NT5E: variants seen among roughly 807,000 people sequenced by gnomAD.
The protein encoded by NT5E is 5'-nucleotidase ecto.
In NT5E, 53 loss-of-function variants were observed where a neutral mutation model predicts 55.1. The ratio of observed to expected loss-of-function variants is 0.96; its 90% confidence interval spans 0.77 to 1.21. The LOEUF is 1.21. NT5E is among the 50% of genes most tolerant of loss of function. The probability of loss-of-function intolerance (pLI) is 0.00; values close to 1 mark genes in which losing one functional copy is unlikely to be tolerated. For synonymous variants in NT5E, 270 were observed against 278.4 expected, an observed-to-expected ratio of 0.97 and a Z score of 0.30; for missense variants, 683 against 724.3, an observed-to-expected ratio of 0.94 and a Z score of 0.65.
In NT5E at chr6:85,487,460, A is replaced by G; in HGVS notation, c.1075A>G (p.Asn359Asp). The G allele has an allele frequency of 6.2e-7, 1 of 1,614,238 alleles. No individual in the cohort carries two copies. ...TCAATCATGCCGCTTTAGAGAATGCAACATGGGCAACCTGATTTGTGATGC... is the reference window on the plus strand; with the variant it reads ...TCAATCATGCCGCTTTAGAGAATGCGACATGGGCAACCTGATTTGTGATGC... ...SSQSCRFRECNMGNLICDAMI... is the reference protein window; with the variant it reads ...SSQSCRFRECDMGNLICDAMI... The change falls in exon 5 of 9, where the codon AAC becomes GAC. Residue 359 changes from asparagine to aspartate, a missense_variant. By Grantham distance (23) the Asn-to-Asp change is conservative. Coordinates refer to ENST00000257770, the MANE Select transcript of NT5E (RefSeq NM_002526.4).
At chr6:85,452,536 T>C (rs1322924084) in intron 1 of NT5E, among the ~76,000 whole-genome samples, 3 of 152,158 alleles carry the variant, frequency 2.0e-5, no homozygotes, top group Non-Finnish European at 4.4e-5. Context: ...TGAATTGGGT[T>C]CTGAGGAAAA....
rs1369395401 is a variant in NT5E at position 85,485,784 on chromosome 6, GC to G, written c.949+358del. Among the ~76,000 whole-genome samples, 6 of 152,296 alleles carry G rather than the reference GC, an allele frequency of 3.9e-5. No individual in the cohort carries two copies. In the East Asian group the frequency reaches 1.2e-3, roughly 29 times the overall value. On this transcript the variant is annotated intron_variant, in intron 4 of 8. Coordinates refer to ENST00000257770, the MANE Select transcript of NT5E (RefSeq NM_002526.4). ...TGGGCAGAGCGGGGCTCAAGTCCTG[GC>G]CCCCCAACTAGAGGCAGTGTGCCTT...
intron 3 of NT5E, among the ~76,000 whole-genome samples, chr6:85,479,167 T>C (rs1769493752): frequency 6.6e-6 from 1 of 152,202 alleles, no homozygotes; most frequent in Non-Finnish European, 1.5e-5. Flanking sequence ...GTAATACATA[T>C]TTTTGTTAAA....
intron 8 of NT5E, among the ~76,000 whole-genome samples, chr6:85,493,499 G>A (rs1258327625): frequency 6.6e-6 from 1 of 152,126 alleles, no homozygotes; most frequent in African/African-American, 2.4e-5. Context: ...AAGGAAGCCA[G>A]TTTTATCTCT....
At chr6:85,480,214 T>C (rs1244842965) in intron 3 of NT5E, among the ~76,000 whole-genome samples, 1 of 152,140 alleles carries the variant, frequency 6.6e-6, no homozygotes, top group Non-Finnish European at 1.5e-5. Context: ...ATAGCCTGGA[T>C]TGGATTTCAT....
intron 5 of NT5E, among the ~76,000 whole-genome samples, 189 bp from the exon 6 acceptor site, chr6:85,489,305 G>A (rs1272661329): frequency 6.6e-6 from 1 of 152,142 alleles, no homozygotes. Context: ...GTTTGACATG[G>A]ACTGGTAACA....
At chr6:85,490,396 TA>T in intron 6 of NT5E, 111 bp from the exon 7 acceptor site, 1 of 1,251,314 alleles carries the variant, frequency 8.0e-7, no homozygotes, top group Non-Finnish European at 1.2e-6. Flanking sequence ...TGATGCTCTA[TA>T]AGCTTCCCAT....
intron 8 of NT5E, among the ~76,000 whole-genome samples, chr6:85,493,133 C>G (rs1416033881): frequency 2.0e-5 from 3 of 152,168 alleles, no homozygotes. Flanking sequence ...CCTAAGCGTT[C>G]TCAACACTGG....
At chr6:85,493,652 C>T (rs182873059) in intron 8 of NT5E, among the ~76,000 whole-genome samples, 189 bp from the exon 9 acceptor site, 1 of 152,254 alleles carries the variant, frequency 6.6e-6, no homozygotes, top group East Asian at 1.9e-4. Flanking sequence ...GAACAACAGA[C>T]ACATTTTACA....
intron 3 of NT5E, among the ~76,000 whole-genome samples, chr6:85,476,325 C>G (rs1432550667): frequency 6.6e-6 from 1 of 152,214 alleles, no homozygotes; most frequent in East Asian, 1.9e-4. Flanking sequence ...CTTCGTGGGA[C>G]TCATGAAGGG....
Position 85,450,128 on chromosome 6 carries a change from C to G in NT5E, c.-12C>G. On this transcript the variant is annotated 5_prime_UTR_variant, in exon 1 of 9. Transcript: ENST00000257770. The surrounding 1 kb of genome is among the most constrained non-coding windows in gnomAD (Gnocchi z 4.0). The stretch of plus-strand genomic sequence containing the variant: ...CTCGCCCGCTTTCGCACCCAGTTCA[C>G]GCGCCACAGCTATGTGTCCCCGAGC... The G allele has an allele frequency of 6.4e-7, 1 of 1,556,094 alleles. No individual in the cohort carries two copies. The highest frequency in any genetic ancestry group is 8.7e-7 in the Non-Finnish European group (1 of 1,155,032).
Position 85,471,412 on chromosome 6 carries a change from A to G in NT5E, c.738A>G (p.Thr246=), listed in dbSNP as rs143793168. 3 of 1,612,508 alleles carry G rather than the reference A, an allele frequency of 1.9e-6. No homozygotes were observed. The highest frequency in any genetic ancestry group is 2.7e-5 in the African/African-American group (2 of 75,018). The change falls in exon 3 of 9, where the codon ACA becomes ACG. Residue 246 remains threonine, a synonymous_variant. Coordinates refer to ENST00000257770, the MANE Select transcript of NT5E (RefSeq NM_002526.4). ...TCGTGGTGGGAGGACACTCCAACAC[A>G]TTTCTTTACACAGGTAATTGTTTCA... is the stretch of plus-strand genomic sequence containing the variant. ...VDVVVGGHSN[T]FLYTGNPPSK...
intron 1 of NT5E, among the ~76,000 whole-genome samples, chr6:85,458,722 A>G (rs1284683335): frequency 6.6e-6 from 1 of 152,188 alleles, no homozygotes; most frequent in Non-Finnish European, 1.5e-5. Context: ...CCCCTCAGAG[A>G]TATAGTTGAA....
chr6:85,471,473 CTG>C, intron 3 of NT5E, 48 bp downstream of exon 3: 1 of 1,545,278 alleles, frequency 6.5e-7, no homozygotes, highest in Non-Finnish European at 8.9e-7. Context: ...CAGATAAGCA[CTG>C]TGTCTCTTTT....
At chr6:85,462,141 C>T (rs1225328826) in intron 1 of NT5E, among the ~76,000 whole-genome samples, 1 of 152,090 alleles carries the variant, frequency 6.6e-6, no homozygotes, top group Admixed American at 6.5e-5. Flanking sequence ...TTCCCACAGC[C>T]CCACTTGCTG....
chr6:85,493,934 G>T lies in NT5E; in HGVS notation c.1655G>T (p.Ser552Ile), dbSNP rs1286141574. ...VEGRIKFSTG[S>I]HCHGSFSLIF... is the part of the protein sequence containing the mutation. Reference sequence around the variant, plus strand: ...GGTCGGATCAAGTTTTCCACAGGAAGTCACTGCCATGGAAGCTTTTCTTTA... The same window carrying T: ...GGTCGGATCAAGTTTTCCACAGGAATTCACTGCCATGGAAGCTTTTCTTTA... The change falls in exon 9 of 9, where the codon AGT becomes ATT. Residue 552 changes from serine (S) to isoleucine (I), a missense_variant. Coordinates refer to ENST00000257770, the MANE Select transcript of NT5E (RefSeq NM_002526.4). 5.0e-6 allele frequency: 8 copies of T among 1,614,122 alleles called. No homozygotes were observed. Among genetic ancestry groups the T allele is most frequent in the Non-Finnish European group, 6.8e-6 (8 of 1,179,984 alleles).
rs373210294 is a variant in NT5E, at chr6:85,450,508, A to G, written c.339+30A>G. 801 of 1,548,624 alleles carry G rather than the reference A, an allele frequency of 5.2e-4. 2 individuals carry two copies. The highest frequency in any genetic ancestry group is 6.7e-4 in the Non-Finnish European group (766 of 1,140,298). ...GACCCGAGCCCGCGCCCGGGATAGTAGTCCCGGACTGAGAGAGGAGCCGGG... is the reference window on the plus strand; with the variant it reads ...GACCCGAGCCCGCGCCCGGGATAGTGGTCCCGGACTGAGAGAGGAGCCGGG... On this transcript the variant is annotated intron_variant, in intron 1 of 8. Transcript: ENST00000257770. This position sits in a 1 kb window ranked among gnomAD's most constrained non-coding sequence, Gnocchi z 4.0.
At chr6:85,460,407 A>C (rs555301567) in intron 1 of NT5E, among the ~76,000 whole-genome samples, 1 of 152,338 alleles carries the variant, frequency 6.6e-6, no homozygotes, top group East Asian at 1.9e-4. Flanking sequence ...CTGTACTAAT[A>C]TAATAATAAG....
chr6:85,471,905 T>C (rs1303074872), intron 3 of NT5E, among the ~76,000 whole-genome samples: 2 of 152,202 alleles, frequency 1.3e-5, no homozygotes, highest in Non-Finnish European at 2.9e-5. Flanking sequence ...CTAACTCTGC[T>C]GCAGACTAGG....
Sources: gnomAD v4.1 joint callset for allele counts (sites outside exome capture counted in the v4.1 genomes callset) on GRCh38, gnomAD v4.1.1 for gene constraint, Gnocchi (gnomAD v3.1) non-coding constraint, MANE v1.5 for transcripts, NCBI Gene and HGNC (gene_info 2026-07-23, HGNC 2026-07-21) for gene names.